The following ECPAS variants were observed in gnomAD, a reference collection of about 807,000 sequenced individuals.
The protein encoded by ECPAS is proteasome adapter and scaffold protein ECM29.
A neutral mutation model predicts 255.1 loss-of-function variants in ECPAS; 70 were observed. The observed-to-expected ratio is 0.27, with a 90% CI of 0.23 to 0.33. The LOEUF is 0.33. Ranked by LOEUF, ECPAS falls within the 10% of genes least tolerant of loss-of-function variation. The pLI, the probability that ECPAS is intolerant of heterozygous loss-of-function variation, is 1.00. For synonymous variants in ECPAS, 784 were observed against 775.0 expected (o/e 1.01, Z -0.19); for missense variants, 1,817 against 2,206.4 (o/e 0.82, Z 3.54).
intron 15 of ECPAS, 46 bp from the exon 16 acceptor site, chr9:111,420,166 GA>G (rs760855836): frequency 2.2e-3 from 2,646 of 1,218,862 alleles, no homozygotes; most frequent in Admixed American, 2.6e-3. Flanking sequence ...TCCGAAAAAG[GA>G]AAAAAAAAAT....
chr9:111,439,598 G>A (rs1564546839), intron 6 of ECPAS, among the ~76,000 whole-genome samples: 1 of 152,112 alleles, frequency 6.6e-6, no homozygotes, highest in East Asian at 1.9e-4. Context: ...GTGTCTTTTT[G>A]TTGTTTTCTT....
intron 25 of ECPAS, among the ~76,000 whole-genome samples, chr9:111,394,693 C>T (rs568184391): frequency 6.6e-6 from 1 of 152,232 alleles, no homozygotes; most frequent in East Asian, 1.9e-4. Flanking sequence ...GTTTCTCAAC[C>T]TCAACACTAC....
chr9:111,467,238 G>A (rs560953359), intron 2 of ECPAS, among the ~76,000 whole-genome samples: 2 of 152,242 alleles, frequency 1.3e-5, no homozygotes, highest in Non-Finnish European at 2.9e-5. Flanking sequence ...AAAAAGAAGA[G>A]ATGAGAAAAG....
chr9:111,397,358 CAA>C (rs555555401), intron 24 of ECPAS, among the ~76,000 whole-genome samples: 1 of 152,164 alleles, frequency 6.6e-6, no homozygotes, highest in Non-Finnish European at 1.5e-5. Context: ...AGATATTTTT[CAA>C]AGTCTTTGCT....
intron 2 of ECPAS, among the ~76,000 whole-genome samples, chr9:111,458,324 G>A (rs950594739): frequency 2.0e-5 from 3 of 152,120 alleles, no homozygotes; most frequent in Non-Finnish European, 4.4e-5. Flanking sequence ...TGTTATATAC[G>A]GCTATCATAT....
At chr9:111,467,769 G>T (rs1271232009) in intron 2 of ECPAS, among the ~76,000 whole-genome samples, 1 of 152,080 alleles carries the variant, frequency 6.6e-6, no homozygotes, top group Non-Finnish European at 1.5e-5. Context: ...ACAGATATAA[G>T]TATATAAAAT....
At chr9:111,465,571 T>C (rs2098278574) in intron 2 of ECPAS, among the ~76,000 whole-genome samples, 1 of 151,286 alleles carries the variant, frequency 6.6e-6, no homozygotes, top group African/African-American at 2.4e-5. Context: ...CTTTCCTTCA[T>C]GGTTGAAATA....
chr9:111,437,519 A>T (rs1454270638), intron 6 of ECPAS, among the ~76,000 whole-genome samples: 2 of 152,212 alleles, frequency 1.3e-5, no homozygotes, highest in African/African-American at 4.8e-5. Flanking sequence ...TTTTACAGTC[A>T]TTCTCATTTC....
chr9:111,373,276 CAA>C (rs1244949818), intron 40 of ECPAS, 37 bp downstream of exon 40: 1 of 1,612,978 alleles, frequency 6.2e-7, no homozygotes, highest in South Asian at 1.1e-5. Context: ...TTATAACTGT[CAA>C]AGAGTTTTAT....
intron 23 of ECPAS, 48 bp from the exon 24 acceptor site, chr9:111,408,720 T>G: frequency 1.8e-6 from 2 of 1,126,230 alleles, no homozygotes; most frequent in Non-Finnish European, 2.5e-6. Context: ...ATATAATAGC[T>G]TTACCCCAGT....
At chr9:111,384,834 G>A (rs2098145630) in intron 33 of ECPAS, among the ~76,000 whole-genome samples, 1 of 152,116 alleles carries the variant, frequency 6.6e-6, no homozygotes, top group Admixed American at 6.5e-5. Context: ...GAAACTAAAT[G>A]TATTATAAAA....
At chr9:111,380,526 A>T (rs1405488001) in intron 35 of ECPAS, among the ~76,000 whole-genome samples, 1 of 152,232 alleles carries the variant, frequency 6.6e-6, no homozygotes, top group Non-Finnish European at 1.5e-5. Flanking sequence ...ATGGTAAATG[A>T]GCACTGGCTT....
In ECPAS at chr9:111,382,425, C is replaced by T. The variant is rs564334870; in HGVS notation, c.3803+786G>A. On this transcript the variant is annotated intron_variant, in intron 35 of 49. Coordinates refer to ENST00000684092, the MANE Select transcript of ECPAS (RefSeq NM_001364929.1). Reference sequence around the variant, plus strand: ...GATTACAGGCATGCACCACCACACCCGGCTAATTTTTTTTGTATTTTTAGT... The same window carrying T: ...GATTACAGGCATGCACCACCACACCTGGCTAATTTTTTTTGTATTTTTAGT... Among the ~76,000 whole-genome samples, 3 of 152,014 alleles carry T rather than the reference C, an allele frequency of 2.0e-5. No individual in the cohort carries two copies. The South Asian group carries it at 6.2e-4, about 32-fold the overall frequency.
At chr9:111,478,045 C>T (rs2098298690) in intron 1 of ECPAS, among the ~76,000 whole-genome samples, 1 of 151,738 alleles carries the variant, frequency 6.6e-6, no homozygotes, top group Non-Finnish European at 1.5e-5. Flanking sequence ...GGACTACAGG[C>T]GCATGCCAAC....
At chr9:111,465,020 C>T (rs977818825) in intron 2 of ECPAS, among the ~76,000 whole-genome samples, 4 of 151,282 alleles carry the variant, frequency 2.6e-5, no homozygotes, top group Non-Finnish European at 4.4e-5. Flanking sequence ...CCCGTCTCTA[C>T]TAAAAATACA....
chr9:111,380,558 T>C (rs1192481961), intron 35 of ECPAS, among the ~76,000 whole-genome samples: 1 of 152,202 alleles, frequency 6.6e-6, no homozygotes, highest in Non-Finnish European at 1.5e-5. Context: ...CCAGCTGCAT[T>C]GGCCCCTAAC....
chr9:111,411,154 A>T lies in ECPAS; in HGVS notation c.2215-12T>A. 6.2e-7 allele frequency: 1 copy of T among 1,613,000 alleles called. No homozygotes were observed. The highest frequency in any genetic ancestry group is 8.5e-7 in the Non-Finnish European group (1 of 1,179,384). On this transcript the variant is annotated splice_polypyrimidine_tract_variant and intron_variant, in intron 21 of 49. Transcript: ENST00000684092. The stretch of plus-strand genomic sequence containing the variant: ...TGTATCTCCGGGCTCTGAATTTAGC[A>T]AAAACAATAGCATATCTCTGGCTCT...
rs779361079 is a variant in ECPAS, at chr9:111,410,195, G to A, written c.2396C>T (p.Thr799Ile). The change falls in exon 23 of 50, where the codon ACA (threonine) becomes ATA (isoleucine). Residue 799 changes from threonine to isoleucine, a missense_variant. Around this residue, in one of 4 missense-constraint regions of ECPAS, gnomAD observed 194 missense variants for 152.8 expected, o/e 1.27. Transcript: ENST00000684092. ...GGCAGCAATTGCCAGGAGGGGTGAT[G>A]TACTGTCCAAAAATGAGCCTGTAAG... ...TETIGSFLDS[T>I]SPLLAIAACT... The A allele has an allele frequency of 2.5e-6, 4 of 1,611,874 alleles. No homozygotes were observed. Among genetic ancestry groups the A allele is most frequent in the South Asian group, 2.2e-5 (2 of 90,324 alleles).
rs2098186444 is a variant in ECPAS at position 111,407,428 on chromosome 9, A to AAAAAAAAAG, written c.2652+1142_2652+1143insCTTTTTTTT. On this transcript the variant is annotated intron_variant, in intron 24 of 49. Coordinates refer to ENST00000684092, the MANE Select transcript of ECPAS (RefSeq NM_001364929.1). ...GAAAAAAAAAAAAAAAAAAAAAAAA[A>AAAAAAAAAG]AAAAAAAAAACCTAGAAGAAACCCA... Among the ~76,000 whole-genome samples the AAAAAAAAAG allele has an allele frequency of 2.3e-4, 23 of 98,822 alleles. 3 individuals carry two copies. The highest frequency in any genetic ancestry group is 4.1e-4 in the Non-Finnish European group (16 of 38,758). 64.8% of individuals were successfully genotyped at this position (98,822 alleles called of 152,430 possible).
Sources: allele counts gnomAD v4.1 joint callset (sites outside exome capture counted in the v4.1 genomes callset), GRCh38; gene constraint gnomAD v4.1.1; regional missense constraint gnomAD v4.1.1; transcripts MANE v1.5; gene names NCBI Gene and HGNC (gene_info 2026-07-23, HGNC 2026-07-21).